Variants in DLC1 observed in about 807,000 individuals in gnomAD.
The protein encoded by DLC1 is rho GTPase-activating protein 7.
In DLC1, 54 loss-of-function variants were observed where a neutral mutation model predicts 140.3. The ratio of observed to expected loss-of-function variants is 0.38; its 90% confidence interval spans 0.31 to 0.48. DLC1 has a LOEUF of 0.48. DLC1 is among the 20% of genes least tolerant of loss of function. DLC1 has a pLI of 0.96. For missense variants in DLC1, 2,536 were observed against 1,907.0 expected, an observed-to-expected ratio of 1.33 and a Z score of -6.14; for synonymous variants, 986 against 728.1, an observed-to-expected ratio of 1.35 and a Z score of -5.70.
At chr8:13,181,800 T>C (rs1187856511) in intron 5 of DLC1, among the ~76,000 whole-genome samples, 1 of 152,174 alleles carries the variant, frequency 6.6e-6, no homozygotes, top group South Asian at 2.1e-4. Context: ...TAAACATACA[T>C]GTACATGTGT....
chr8:13,261,469 G>C (rs1340498703), intron 5 of DLC1, among the ~76,000 whole-genome samples: 2 of 152,124 alleles, frequency 1.3e-5, no homozygotes, highest in African/African-American at 2.4e-5. Flanking sequence ...GGAGGGTTTT[G>C]AGTTGAGGAG....
intron 4 of DLC1, among the ~76,000 whole-genome samples, chr8:13,366,360 G>T (rs1835479168): frequency 6.6e-6 from 1 of 152,170 alleles, no homozygotes; most frequent in South Asian, 2.1e-4. Flanking sequence ...ATATCGTAGT[G>T]ATTAAGATGG....
intron 5 of DLC1, among the ~76,000 whole-genome samples, chr8:13,200,311 C>T (rs773423714): frequency 6.6e-6 from 1 of 152,070 alleles, no homozygotes; most frequent in Non-Finnish European, 1.5e-5. Context: ...ATCTGCCCGC[C>T]TCGGCCTCCC....
At chr8:13,495,499 G>T (rs541990510) in intron 2 of DLC1, among the ~76,000 whole-genome samples, 169 of 151,810 alleles carry the variant, frequency 1.1e-3, no homozygotes, top group Non-Finnish European at 1.7e-3. Flanking sequence ...CAATTTGTTT[G>T]GTTTTCCTTT....
In DLC1 at chr8:13,120,356, A is replaced by AAAAAAAAAATATATATATATATAT; in HGVS notation, c.1349-4700_1349-4699insATATATATATATATATTTTTTTTT. Among the ~76,000 whole-genome samples, 487 of 60,796 alleles carry AAAAAAAAAATATATATATATATAT rather than the reference A, an allele frequency of 8.0e-3. 18 individuals carry two copies. The highest frequency in any genetic ancestry group is 0.015 in the Non-Finnish European group (383 of 26,338). 39.9% of individuals were successfully genotyped at this position (60,796 alleles called of 152,430 possible). A position where few individuals can be genotyped will look rare whatever the true frequency, so the allele number is the denominator to read the frequency against. On this transcript the variant is annotated intron_variant, in intron 5 of 17. Transcript: ENST00000276297. The stretch of plus-strand genomic sequence containing the variant: ...AGACTCCGTCGCAAAAAAAAAAAAA[A>AAAAAAAAAATATATATATATATAT]ATATATATATATATAAAATGTATAT...
At chr8:13,467,809 T>G (rs1416409320) in intron 2 of DLC1, among the ~76,000 whole-genome samples, 1 of 152,226 alleles carries the variant, frequency 6.6e-6, no homozygotes, top group Non-Finnish European at 1.5e-5. Flanking sequence ...ATAAATTTTT[T>G]TCTCCTTTCA....
chr8:13,122,814 A>C (rs1448478079), intron 5 of DLC1, among the ~76,000 whole-genome samples: 2 of 152,026 alleles, frequency 1.3e-5, no homozygotes, highest in African/African-American at 2.4e-5. Context: ...AAAAAAAAAA[A>C]AAAACAAGAA....
At chr8:13,458,083 A>G (rs932967207) in intron 2 of DLC1, among the ~76,000 whole-genome samples, 4 of 152,228 alleles carry the variant, frequency 2.6e-5, no homozygotes, top group African/African-American at 7.2e-5. Context: ...TAGAATCTAA[A>G]GCAATCAGTA....
At chr8:13,567,128 C>G (rs191812233) in intron 1 of DLC1, 2 of 1,551,612 alleles carry the variant, frequency 1.3e-6, no homozygotes, top group African/African-American at 1.4e-5. Flanking sequence ...GGACGGCAGT[C>G]CTCGCCCCTG....
At chr8:13,231,897 T>C (rs2117202640) in intron 5 of DLC1, among the ~76,000 whole-genome samples, 1 of 152,346 alleles carries the variant, frequency 6.6e-6, no homozygotes, top group East Asian at 1.9e-4. Flanking sequence ...GTGAGTATTT[T>C]TATAGGCCCC....
intron 4 of DLC1, among the ~76,000 whole-genome samples, chr8:13,324,659 A>T (rs1322479265): frequency 1.3e-5 from 2 of 151,960 alleles, no homozygotes; most frequent in African/African-American, 4.8e-5. Context: ...GCTAACCTTC[A>T]TAAGCTCAGC....
At chr8:13,405,917 TTTTCTTTCTTTCTTTCTTTCTTTC>T (rs71207150) in intron 2 of DLC1, among the ~76,000 whole-genome samples, 180 of 84,942 alleles carry the variant, frequency 2.1e-3, no homozygotes, top group African/African-American at 7.6e-3. Flanking sequence ...CTTTCTTTTC[TTTTCTTTCTTTCTTTCTTTCTTTC>T]TTTCTTTCTT....
chr8:13,115,821 T>C (rs1820507945), intron 5 of DLC1, among the ~76,000 whole-genome samples, 164 bp from the exon 6 acceptor site: 1 of 152,224 alleles, frequency 6.6e-6, no homozygotes, highest in Admixed American at 6.5e-5. Flanking sequence ...TTACATTTTG[T>C]ATGCATCGTT....
intron 5 of DLC1, among the ~76,000 whole-genome samples, chr8:13,212,719 G>C (rs1038041343): frequency 6.6e-5 from 10 of 152,076 alleles, no homozygotes; most frequent in African/African-American, 2.4e-4. Flanking sequence ...GGCTTTCTTA[G>C]AATAGTTCCA....
At chr8:13,509,200 T>C (rs1802245764) in intron 1 of DLC1, among the ~76,000 whole-genome samples, 1 of 152,254 alleles carries the variant, frequency 6.6e-6, no homozygotes, top group African/African-American at 2.4e-5. Context: ...TTTGCTATCA[T>C]TTCTAAGAAC....
chr8:13,101,644 C>T (rs1362279046), intron 8 of DLC1, among the ~76,000 whole-genome samples: 1 of 152,166 alleles, frequency 6.6e-6, no homozygotes, highest in Non-Finnish European at 1.5e-5. Flanking sequence ...TTACCAGTAC[C>T]TTTTCTTCCC....
chr8:13,248,924 A>G (rs556003820), intron 5 of DLC1, among the ~76,000 whole-genome samples: 2 of 152,262 alleles, frequency 1.3e-5, no homozygotes, highest in South Asian at 2.1e-4. Context: ...GCAGATAGAA[A>G]TCATTACCAA....
chr8:13,193,010 G>A (rs1585882017), intron 5 of DLC1, among the ~76,000 whole-genome samples: 1 of 152,128 alleles, frequency 6.6e-6, no homozygotes, highest in Admixed American at 6.5e-5. Context: ...ATCTTCCTCT[G>A]CCTAAGGACT....
At chr8:13,436,540 C>T (rs763952024) in intron 2 of DLC1, among the ~76,000 whole-genome samples, 10 of 152,066 alleles carry the variant, frequency 6.6e-5, no homozygotes, top group South Asian at 4.2e-4. Flanking sequence ...TGTCATTGTC[C>T]GGACAATTGG....
Sources: gnomAD v4.1 joint callset for allele counts (sites outside exome capture counted in the v4.1 genomes callset) on GRCh38, gnomAD v4.1.1 for gene constraint, MANE v1.5 for transcripts, NCBI Gene and HGNC (gene_info 2026-07-23, HGNC 2026-07-21) for gene names.